The following BTBD9 variants were observed in gnomAD, a reference collection of about 807,000 sequenced individuals.
The protein encoded by BTBD9 is BTB/POZ domain-containing protein 9.
Under a neutral mutation model 64.3 loss-of-function variants are expected in BTBD9, and 49 were observed. The ratio of observed to expected loss-of-function variants is 0.76; its 90% CI spans 0.61 to 0.97. The LOEUF is 0.97. BTBD9 is among the 50% of genes least tolerant of loss of function. BTBD9 has a pLI of 0.00. For synonymous variants in BTBD9, 260 were observed against 274.7 expected, an observed-to-expected ratio of 0.95 and a Z score of 0.53; for missense variants, 598 against 762.1, an observed-to-expected ratio of 0.78 and a Z score of 2.53.
chr6:38,478,632 A>G (rs1424046038), intron 6 of BTBD9, among the ~76,000 whole-genome samples: 2 of 152,244 alleles, frequency 1.3e-5, no homozygotes, highest in Non-Finnish European at 2.9e-5. Context: ...AGGAGGGAAG[A>G]TAAGTGGGTT....
intron 8 of BTBD9, among the ~76,000 whole-genome samples, chr6:38,270,085 G>A (rs541845007): frequency 6.6e-6 from 1 of 152,286 alleles, no homozygotes; most frequent in East Asian, 1.9e-4. Flanking sequence ...TAGACCTTGC[G>A]ACATTGACTC....
At chr6:38,554,041 TAAAAG>T (rs1162392056) in intron 6 of BTBD9, among the ~76,000 whole-genome samples, 1 of 152,090 alleles carries the variant, frequency 6.6e-6, no homozygotes, top group Non-Finnish European at 1.5e-5. Context: ...ATCATACTAA[TAAAAG>T]AAACCATATG....
intron 7 of BTBD9, among the ~76,000 whole-genome samples, chr6:38,322,864 TGTA>T (rs1254161788): frequency 6.6e-6 from 1 of 152,220 alleles, no homozygotes; most frequent in Non-Finnish European, 1.5e-5. Flanking sequence ...ACTACCATAA[TGTA>T]GCCTGTGTGT....
Position 38,223,310 on chromosome 6 carries a change from G to A in BTBD9, c.1563-30713C>T, listed in dbSNP as rs62397009. 4.5e-3 allele frequency among the ~76,000 whole-genome samples: 684 copies of A among 152,270 alleles called. 2 individuals are homozygous for A. Among genetic ancestry groups the A allele is most frequent in the Non-Finnish European group, 7.7e-3 (525 of 68,028 alleles). ...ATAATCACCCTTCTAAATATGGAAA[G>A]GTTTTCCTGTGCAGGAATTCTGAAG... On this transcript the variant is annotated intron_variant, in intron 9 of 10. Coordinates refer to ENST00000481247, the MANE Select transcript of BTBD9 (RefSeq NM_001099272.2).
intron 9 of BTBD9, among the ~76,000 whole-genome samples, chr6:38,234,757 T>C (rs1026105985): frequency 4.1e-4 from 63 of 152,362 alleles, no homozygotes; most frequent in African/African-American, 1.5e-3. Flanking sequence ...GGCAGAACCA[T>C]GGCTAAGAGC....
At chr6:38,351,641 A>G (rs1308900033) in intron 6 of BTBD9, among the ~76,000 whole-genome samples, 1 of 150,402 alleles carries the variant, frequency 6.6e-6, no homozygotes, top group Non-Finnish European at 1.5e-5. Context: ...AGCTGGGACT[A>G]CAGGCACCCG....
chr6:38,191,043 T>A (rs1762054925), intron 10 of BTBD9, among the ~76,000 whole-genome samples: 1 of 152,260 alleles, frequency 6.6e-6, no homozygotes, highest in African/African-American at 2.4e-5. Context: ...TATGTTACTA[T>A]GTAAAAATTT....
chr6:38,202,523 T>C (rs1223123864), intron 9 of BTBD9, among the ~76,000 whole-genome samples: 1 of 152,008 alleles, frequency 6.6e-6, no homozygotes, highest in Non-Finnish European at 1.5e-5. Flanking sequence ...CTTCAAAATA[T>C]AGTACAAGGC....
intron 6 of BTBD9, among the ~76,000 whole-genome samples, chr6:38,461,124 C>T (rs549120463): frequency 3.9e-5 from 6 of 152,260 alleles, no homozygotes; most frequent in Non-Finnish European, 8.8e-5. Flanking sequence ...ACAGACCTCA[C>T]ATTCCCTTCT....
At chr6:38,239,394 C>T (rs1169251764) in intron 9 of BTBD9, among the ~76,000 whole-genome samples, 1 of 142,984 alleles carries the variant, frequency 7.0e-6, no homozygotes, top group Non-Finnish European at 1.5e-5. Context: ...GAGCCAAGAT[C>T]GTGCCACTGC....
In BTBD9 at chr6:38,180,042, T is replaced by C. The variant is rs1190694915; in HGVS notation, c.1642-4860A>G. Among the ~76,000 whole-genome samples the C allele has an allele frequency of 1.3e-5, 2 of 152,218 alleles. 1 individual carries two copies. ...CTGCCTCAGTCATCTCTGTTGATGATTTAAGCCTAGCAGCCTTCAGCCAAA... is the reference window on the plus strand; with the variant it reads ...CTGCCTCAGTCATCTCTGTTGATGACTTAAGCCTAGCAGCCTTCAGCCAAA... On this transcript the variant is annotated intron_variant, in intron 10 of 10. Coordinates refer to ENST00000481247, the MANE Select transcript of BTBD9 (RefSeq NM_001099272.2).
At position 38,284,282 on chromosome 6, in the gene BTBD9, C is replaced by T. The variant is rs201345572; in HGVS notation, c.1454+3990G>A. ...TTGGTGTGTTCATGCTCATCATCCC[C>T]GCTCTGAGTCAGGAAAAGAAAAATT... On this transcript the variant is annotated intron_variant, in intron 8 of 10. Transcript: ENST00000481247. 9.2e-5 allele frequency among the ~76,000 whole-genome samples: 14 copies of T among 152,238 alleles called. No individual in the cohort carries two copies. In the East Asian group the frequency reaches 1.5e-3, roughly 17 times the overall value.
At chr6:38,353,410 A>T (rs1764598986) in intron 6 of BTBD9, among the ~76,000 whole-genome samples, 1 of 151,858 alleles carries the variant, frequency 6.6e-6, no homozygotes, top group African/African-American at 2.4e-5. Context: ...GGGGAAGAAG[A>T]GAGACGGGGG....
intron 6 of BTBD9, among the ~76,000 whole-genome samples, chr6:38,502,138 G>A (rs1772232353): frequency 6.6e-6 from 1 of 152,192 alleles, no homozygotes; most frequent in Non-Finnish European, 1.5e-5. Flanking sequence ...TGGGGATGTT[G>A]TAAAGGGGAT....
chr6:38,610,189 C>T (rs760086688), intron 1 of BTBD9, among the ~76,000 whole-genome samples: 5 of 152,062 alleles, frequency 3.3e-5, no homozygotes, highest in Non-Finnish European at 7.4e-5. Flanking sequence ...CAAATGCCAG[C>T]AGAAATGTTG....
chr6:38,556,331 C>T (rs553817670), intron 6 of BTBD9, among the ~76,000 whole-genome samples: 1 of 152,230 alleles, frequency 6.6e-6, no homozygotes, highest in Non-Finnish European at 1.5e-5. Context: ...TGGCACCATT[C>T]ACTAACTATA....
intron 1 of BTBD9, among the ~76,000 whole-genome samples, chr6:38,639,414 T>C (rs1778646164): frequency 6.6e-6 from 1 of 151,962 alleles, no homozygotes; most frequent in Non-Finnish European, 1.5e-5. Flanking sequence ...GTCCCAAACT[T>C]TCCAAACCCC....
chr6:38,437,204 T>C (rs1015969587), intron 6 of BTBD9, among the ~76,000 whole-genome samples: 4 of 152,180 alleles, frequency 2.6e-5, no homozygotes, highest in African/African-American at 9.7e-5. Context: ...CAAAGACAGG[T>C]GGACACCAAA....
intron 7 of BTBD9, among the ~76,000 whole-genome samples, chr6:38,316,946 T>C (rs9462428): frequency 0.053 from 8,023 of 152,258 alleles, 685 homozygotes; most frequent in African/African-American, 0.18. Flanking sequence ...GTTTAAAGGA[T>C]ATTTTTTCTG....
Sources: allele counts gnomAD v4.1 joint callset (sites outside exome capture counted in the v4.1 genomes callset), GRCh38; gene constraint gnomAD v4.1.1; transcripts MANE v1.5; gene names NCBI Gene and HGNC (gene_info 2026-07-23, HGNC 2026-07-21).